SGCE: variants seen among roughly 807,000 people sequenced by gnomAD.
The protein encoded by SGCE is sarcoglycan epsilon, also known as epsilon-sarcoglycan.
A neutral mutation model predicts 57.8 loss-of-function variants in SGCE; 26 were observed. That is an observed-to-expected ratio of 0.45 (90% CI 0.33 to 0.62). SGCE has a LOEUF of 0.62. Ranked by LOEUF, SGCE falls within the 20% of genes least tolerant of loss-of-function variation. The pLI is 0.02. For missense variants in SGCE, 468 were observed against 548.6 expected (o/e 0.85, Z 1.47); for synonymous variants, 183 against 189.5 (o/e 0.97, Z 0.28).
intron 1 of SGCE, among the ~76,000 whole-genome samples, chr7:94,637,949 A>C (rs1805818757): frequency 6.6e-6 from 1 of 152,200 alleles, no homozygotes; most frequent in South Asian, 2.1e-4. Flanking sequence ...CCGGGGACCC[A>C]TAACCAGAAA....
chr7:94,612,428 T>G (rs1369201747), intron 5 of SGCE, among the ~76,000 whole-genome samples: 1 of 152,196 alleles, frequency 6.6e-6, no homozygotes, highest in Non-Finnish European at 1.5e-5. Flanking sequence ...TAAAATATAA[T>G]TTTGTATCCT....
chr7:94,617,226 TG>T (rs1013622407), intron 5 of SGCE: 4 of 152,240 alleles, frequency 2.6e-5, no homozygotes, highest in African/African-American at 9.6e-5. Flanking sequence ...TAGACATAGT[TG>T]GAAAGCAGTG....
At chr7:94,596,093 G>C (rs1311896332) in intron 9 of SGCE, among the ~76,000 whole-genome samples, 5 of 152,034 alleles carry the variant, frequency 3.3e-5, no homozygotes, top group Non-Finnish European at 7.4e-5. Flanking sequence ...ATACGTATGT[G>C]TTTAAATTGT....
chr7:94,653,919 T>A lies in SGCE; in HGVS notation c.109+2071A>T, dbSNP rs188167816. 3.3e-5 allele frequency among the ~76,000 whole-genome samples: 5 copies of A among 152,188 alleles called. No homozygotes were observed. The East Asian group carries it at 9.6e-4, about 29-fold the overall frequency. ...TAAAGAAAGCTCTCCAAACTTAATG[T>A]TATTTAACATTTAAAGGCTCTTTGG... On this transcript the variant is annotated intron_variant, in intron 1 of 10. Transcript: ENST00000648936.
intron 1 of SGCE, among the ~76,000 whole-genome samples, chr7:94,655,184 G>A (rs1211598234): frequency 6.6e-6 from 1 of 152,200 alleles, no homozygotes; most frequent in Admixed American, 6.5e-5. Context: ...CGTTGCAAGG[G>A]AAGCAAGGTC....
At chr7:94,646,276 G>A (rs904585908) in intron 1 of SGCE, among the ~76,000 whole-genome samples, 1 of 152,226 alleles carries the variant, frequency 6.6e-6, no homozygotes, top group Non-Finnish European at 1.5e-5. Context: ...GTGTGAGCAA[G>A]ACTCAACTGC....
chr7:94,619,406 A>G (rs896203031), intron 4 of SGCE: 1 of 153,404 alleles, frequency 6.5e-6, no homozygotes, highest in African/African-American at 2.4e-5. Context: ...GAAAAATTAT[A>G]AAGTTCTCAT....
chr7:94,633,137 A>G (rs1044842143), intron 1 of SGCE, among the ~76,000 whole-genome samples: 4 of 152,070 alleles, frequency 2.6e-5, no homozygotes, highest in African/African-American at 7.2e-5. Flanking sequence ...TGGTTTTGCA[A>G]TCTTCTACGG....
chr7:94,614,512 C>G (rs1162315043), intron 5 of SGCE, among the ~76,000 whole-genome samples: 1 of 152,186 alleles, frequency 6.6e-6, no homozygotes, highest in East Asian at 1.9e-4. Flanking sequence ...CATTTCCACA[C>G]TAAGTAGAGT....
intron 1 of SGCE, among the ~76,000 whole-genome samples, chr7:94,646,714 GCT>G (rs1268309411): frequency 6.6e-6 from 1 of 152,278 alleles, no homozygotes; most frequent in East Asian, 1.9e-4. Context: ...GGGACGTAAA[GCT>G]GCAGGAAAAA....
intron 10 of SGCE, chr7:94,586,690 CAG>C (rs1330465831): frequency 4.4e-6 from 1 of 229,078 alleles, no homozygotes; most frequent in Non-Finnish European, 7.2e-6. Flanking sequence ...TTAGTAGAGA[CAG>C]GGCTTCGCCA....
intron 1 of SGCE, among the ~76,000 whole-genome samples, chr7:94,652,626 G>A (rs919440477): frequency 6.6e-6 from 1 of 152,198 alleles, no homozygotes; most frequent in Non-Finnish European, 1.5e-5. Flanking sequence ...TGTGAGACAA[G>A]TGAAAATGCC....
intron 5 of SGCE, among the ~76,000 whole-genome samples, chr7:94,616,456 A>ATT (rs1244197643): frequency 6.6e-6 from 1 of 152,150 alleles, no homozygotes; most frequent in Non-Finnish European, 1.5e-5. Flanking sequence ...TTAAACAAAA[A>ATT]TTTTTACAAG....
At chr7:94,607,704 T>C (rs187189579) in intron 5 of SGCE, among the ~76,000 whole-genome samples, 1 of 152,342 alleles carries the variant, frequency 6.6e-6, no homozygotes, top group Admixed American at 6.5e-5. Flanking sequence ...GAAGTTTTCC[T>C]ACTAGTATCA....
chr7:94,632,851 C>T (rs1030602478), intron 1 of SGCE, among the ~76,000 whole-genome samples: 13 of 152,112 alleles, frequency 8.5e-5, no homozygotes, highest in African/African-American at 3.1e-4. Context: ...TTGTTCTAAA[C>T]GTGAGCTATA....
At position 94,627,895 on chromosome 7, in the gene SGCE, A is replaced by G. The variant is rs372978483; in HGVS notation, c.390+307T>C. 3.3e-5 allele frequency: 10 copies of G among 306,882 alleles called. No individual in the cohort carries two copies. The East Asian group carries it at 3.4e-4, about 11-fold the overall frequency. The allele number at this position is 306,882 out of a possible 1,614,324, so 19.0% of individuals were successfully genotyped here. On this transcript the variant is annotated intron_variant, in intron 3 of 10. Transcript: ENST00000648936. Reference sequence around the variant, plus strand: ...AACTTGAATTCAAAATACAGAGCAAATAAGTCTATCAAGTCTACAATTATT... The same window carrying G: ...AACTTGAATTCAAAATACAGAGCAAGTAAGTCTATCAAGTCTACAATTATT...
In SGCE at chr7:94,651,940, T is replaced by A. The variant is rs533971161; in HGVS notation, c.109+4050A>T. Among the ~76,000 whole-genome samples the A allele has an allele frequency of 7.9e-4, 120 of 152,082 alleles. 1 individual carries two copies. The highest frequency in any genetic ancestry group is 2.9e-3 in the Admixed American group (44 of 15,274). On this transcript the variant is annotated intron_variant, in intron 1 of 10. Coordinates refer to ENST00000648936, the MANE Select transcript of SGCE (RefSeq NM_003919.3). The stretch of plus-strand genomic sequence containing the variant: ...CATTGGCTTTTTCTTCTTTATTATT[T>A]TTTTTTTTTGTTTCTCGTACTGCTA...
intron 1 of SGCE, among the ~76,000 whole-genome samples, chr7:94,637,691 T>A (rs1164172656): frequency 6.6e-6 from 1 of 152,176 alleles, no homozygotes; most frequent in Non-Finnish European, 1.5e-5. Flanking sequence ...AGAGTATTTT[T>A]TTGTTTTTGG....
At chr7:94,622,399 A>C (rs1024656903) in intron 4 of SGCE, 1 of 152,278 alleles carries the variant, frequency 6.6e-6, no homozygotes, top group African/African-American at 2.4e-5. Flanking sequence ...AGGCCAAGGC[A>C]GGTGGATCAC....
Sources: allele counts gnomAD v4.1 joint callset (sites outside exome capture counted in the v4.1 genomes callset), GRCh38; gene constraint gnomAD v4.1.1; transcripts MANE v1.5; gene names NCBI Gene and HGNC (gene_info 2026-07-23, HGNC 2026-07-21).